DDX19B: variants seen among roughly 807,000 people sequenced by gnomAD.
DDX19B encodes ATP-dependent RNA helicase DDX19B.
A neutral mutation model predicts 58.1 loss-of-function variants in DDX19B; 27 were observed. The observed-to-expected ratio is 0.46, with a 90% CI of 0.34 to 0.64. The LOEUF (loss-of-function observed/expected upper bound fraction) is 0.64, where lower values mean the gene tolerates loss of function less well. Ranked by LOEUF, DDX19B falls within the 30% of genes least tolerant of loss-of-function variation. DDX19B has a pLI of 0.01. For missense variants in DDX19B, 399 were observed against 596.5 expected (o/e 0.67, Z 3.45); for synonymous variants, 187 against 214.4 (o/e 0.87, Z 1.12).
At chr16:70,301,616 AT>A (rs1371861700) in intron 1 of DDX19B, among the ~76,000 whole-genome samples, 6 of 151,270 alleles carry the variant, frequency 4.0e-5, no homozygotes, top group African/African-American at 1.2e-4. Flanking sequence ...GAATAATTTC[AT>A]TGCTGATTTC....
At chr16:70,300,779 C>A (rs1340610005) in intron 1 of DDX19B, among the ~76,000 whole-genome samples, 1 of 152,250 alleles carries the variant, frequency 6.6e-6, no homozygotes, top group Non-Finnish European at 1.5e-5. Flanking sequence ...ATCCTCCCAC[C>A]TCGGCCTCCC....
intron 5 of DDX19B, among the ~76,000 whole-genome samples, chr16:70,322,727 A>G (rs1333999134): frequency 6.6e-6 from 1 of 151,710 alleles, no homozygotes; most frequent in Non-Finnish European, 1.5e-5. Flanking sequence ...CCCCATCTCT[A>G]CTAAAAATAC....
In DDX19B at chr16:70,334,816, T is replaced by C. The variant is rs1963640605; in HGVS notation, c.*1234T>C. ...CACTTCTCACACCTGGCCAAGGCTG[T>C]TGGTACCCACGAAATGACAGCAAAG... On this transcript the variant is annotated 3_prime_UTR_variant, in exon 12 of 12. Transcript: ENST00000288071. The C allele has an allele frequency of 1.3e-5, 2 of 152,202 alleles. No individual in the cohort carries two copies. The highest frequency in any genetic ancestry group is 2.1e-4 in the South Asian group (1 of 4,828). The allele number at this position is 152,202 out of a possible 1,614,324, so 9.4% of individuals were successfully genotyped here. A position where few individuals can be genotyped will look rare whatever the true frequency, so the allele number is the denominator to read the frequency against.
chr16:70,309,704 G>C (rs1961978959), intron 1 of DDX19B, among the ~76,000 whole-genome samples: 1 of 150,800 alleles, frequency 6.6e-6, no homozygotes, highest in South Asian at 2.1e-4. Context: ...TGTAATCCCA[G>C]CTACTTGGGA....
At chr16:70,320,399 T>A (rs1386423366) in intron 5 of DDX19B, among the ~76,000 whole-genome samples, 1 of 135,888 alleles carries the variant, frequency 7.4e-6, no homozygotes, top group Non-Finnish European at 1.6e-5. Context: ...TGAGACAGGG[T>A]CTCACTCTGT....
At chr16:70,325,459 TG>T in intron 6 of DDX19B, 114 bp from the exon 7 acceptor site, 1 of 699,972 alleles carries the variant, frequency 1.4e-6, no homozygotes, top group Non-Finnish European at 2.5e-6. Context: ...TACATTTTAA[TG>T]TACATATTCT....
upstream of DDX19B, among the ~76,000 whole-genome samples, chr16:70,292,540 T>C (rs1372408938): frequency 1.3e-5 from 2 of 152,240 alleles, no homozygotes; most frequent in African/African-American, 4.8e-5. Flanking sequence ...TTTTCTGTGA[T>C]ATTTTTCTCT....
chr16:70,332,515 A>G (rs1034787532), intron 10 of DDX19B, among the ~76,000 whole-genome samples: 6 of 152,066 alleles, frequency 3.9e-5, no homozygotes, highest in Non-Finnish European at 7.4e-5. Flanking sequence ...TGGCCAGGCT[A>G]GTCTTGAACT....
upstream of DDX19B, chr16:70,290,034 T>A (rs868076627): frequency 1.1e-5 from 3 of 282,642 alleles, no homozygotes; most frequent in Admixed American, 9.2e-5. Flanking sequence ...CATCTGGTCC[T>A]CGATTTGCCT....
At chr16:70,292,329 A>G (rs1214758746), upstream of DDX19B, among the ~76,000 whole-genome samples, 6 of 152,018 alleles carry the variant, frequency 3.9e-5, no homozygotes, top group Non-Finnish European at 8.8e-5. Flanking sequence ...TATTTCTAGT[A>G]GAGATGAGGG....
At chr16:70,330,123 C>A in intron 9 of DDX19B, 55 bp downstream of exon 9, 1 of 1,600,278 alleles carries the variant, frequency 6.2e-7, no homozygotes, top group Non-Finnish European at 8.5e-7. Context: ...CAGCTCCCCA[C>A]AGGGCTCAGG....
In DDX19B at chr16:70,335,167, C is replaced by G. The variant is rs1420891704; in HGVS notation, c.*1585C>G. 1.3e-5 allele frequency: 2 copies of G among 152,218 alleles called. No homozygotes were observed. The highest frequency in any genetic ancestry group is 2.9e-5 in the Non-Finnish European group (2 of 68,036). 9.4% of individuals were successfully genotyped at this position (152,218 alleles called of 1,614,324 possible). A position where few individuals can be genotyped will look rare whatever the true frequency, so the allele number is the denominator to read the frequency against. ...TAGTTTTCTCTATGCTTCTGGTCAACTCTGACACATCTTGGAATTCTTGTA... is the reference window on the plus strand; with the variant it reads ...TAGTTTTCTCTATGCTTCTGGTCAAGTCTGACACATCTTGGAATTCTTGTA... On this transcript the variant is annotated 3_prime_UTR_variant, in exon 12 of 12. Transcript: ENST00000288071.
Position 70,325,652 on chromosome 16 carries a change from G to T in DDX19B, c.571G>T (p.Glu191Ter). ...TGAACAAATGGGCAAATTTTACCCT[G>T]AACTGAAGCTAGCTTATGCTGTTCG... ...VIEQMGKFYP[E>*]LKLAYAVRGN... The change falls in exon 7 of 12, where the codon GAA becomes TAA. Residue 191 changes from glutamate (E) to a stop codon, truncating the protein, a stop_gained. Transcript: ENST00000288071. LOFTEE classifies it high-confidence loss of function. The T allele has an allele frequency of 1.2e-6, 2 of 1,614,068 alleles. No homozygotes were observed. Among genetic ancestry groups the T allele is most frequent in the Non-Finnish European group, 1.7e-6 (2 of 1,179,988 alleles).
At chr16:70,324,362 C>CAAAA (rs57977602) in intron 5 of DDX19B, among the ~76,000 whole-genome samples, 7 of 48,850 alleles carry the variant, frequency 1.4e-4, no homozygotes, top group Non-Finnish European at 1.9e-4. Flanking sequence ...GACCTAATCT[C>CAAAA]AAAAAAAAAA....
Position 70,333,702 on chromosome 16 carries a change from C to A in DDX19B, c.*120C>A. 6.9e-7 allele frequency: 1 copy of A among 1,440,130 alleles called. No homozygotes were observed. The highest frequency in any genetic ancestry group is 9.6e-7 in the Non-Finnish European group (1 of 1,037,464). The allele number at this position is 1,440,130 out of a possible 1,614,324, so 89.2% of individuals were successfully genotyped here. ...AACGGCACAAGTAGAGAGAAACTAC[C>A]TACCTCACTTCAAATTATGTTTGGA... On this transcript the variant is annotated 3_prime_UTR_variant, in exon 12 of 12. Transcript: ENST00000288071.
At chr16:70,315,320 G>C (rs1210844865) in intron 3 of DDX19B, among the ~76,000 whole-genome samples, 1 of 149,998 alleles carries the variant, frequency 6.7e-6, no homozygotes, top group Non-Finnish European at 1.5e-5. Context: ...CCGGGAAGCA[G>C]AGCTTGCCAT....
At chr16:70,294,811 CGGTT>C (rs1961160713), upstream of DDX19B, 2 of 1,445,514 alleles carry the variant, frequency 1.4e-6, no homozygotes, top group Non-Finnish European at 1.8e-6. Context: ...CCAAGAGCAG[CGGTT>C]GTTGGAGTGT....
At chr16:70,297,159 C>G (rs769214248), upstream of DDX19B, among the ~76,000 whole-genome samples, 13 of 152,082 alleles carry the variant, frequency 8.5e-5, no homozygotes, top group Non-Finnish European at 1.6e-4. Context: ...CGTGATCCAC[C>G]TGCTTTGGCC....
Position 70,316,054 on chromosome 16 carries a change from G to A in DDX19B, c.246G>A (p.Arg82=), listed in dbSNP as rs1962382504. Residue 82 remains arginine, a synonymous_variant, in exon 4 of 12, where the codon CGG becomes CGA. Coordinates refer to ENST00000288071, the MANE Select transcript of DDX19B (RefSeq NM_007242.7). ...DNTNQVEVLQ[R]DPNSPLYSVK... ...CAAACCAAGTGGAAGTCCTGCAGCG[G>A]GATCCAAACTCCCCTCTGTACTCGG... 2 of 1,614,068 alleles carry A rather than the reference G, an allele frequency of 1.2e-6. No homozygotes were observed. Among genetic ancestry groups the A allele is most frequent in the African/African-American group, 1.3e-5 (1 of 75,014 alleles).
Sources: allele counts gnomAD v4.1 joint callset (sites outside exome capture counted in the v4.1 genomes callset), GRCh38; gene constraint gnomAD v4.1.1; transcripts MANE v1.5; gene names NCBI Gene and HGNC (gene_info 2026-07-23, HGNC 2026-07-21).